The following PER2 variants were observed in gnomAD, a reference collection of about 807,000 sequenced individuals.
The protein encoded by PER2 is period circadian regulator 2, also known as period circadian protein homolog 2.
In PER2, 66 loss-of-function variants were observed where a neutral mutation model predicts 121.0. The observed-to-expected ratio is 0.55, with a 90% CI of 0.45 to 0.67. PER2 has a LOEUF of 0.67. Ranked by LOEUF, PER2 falls within the 30% of genes least tolerant of loss-of-function variation. The pLI, the probability that PER2 is intolerant of heterozygous loss-of-function variation, is 0.00. For synonymous variants in PER2, 684 were observed against 659.9 expected, an observed-to-expected ratio of 1.04 and a Z score of -0.56; for missense variants, 1,521 against 1,635.0, an observed-to-expected ratio of 0.93 and a Z score of 1.20.
At chr2:238,289,529 ATGT>A (rs1490930423), upstream of PER2, 1 of 152,258 alleles carries the variant, frequency 6.6e-6, no homozygotes, top group Non-Finnish European at 1.5e-5. Context: ...GAAAGAAATG[ATGT>A]TGTCCCTGCC....
the PER2 span, chr2:238,299,906 G>A: frequency 2.6e-5 from 4 of 152,276 alleles, no homozygotes; most frequent in African/African-American, 9.6e-5. Context: ...AGAGCAGAGA[G>A]GCATATGCTC....
At chr2:238,267,934 A>T (rs2106313336) in intron 8 of PER2, 122 bp downstream of exon 8, 3 of 1,087,574 alleles carry the variant, frequency 2.8e-6, no homozygotes, top group South Asian at 1.3e-5. Context: ...GGTGAGGTGG[A>T]GAGGCCAAGG....
rs976590101 is a variant in PER2 at position 238,268,598 on chromosome 2, G to A, written c.824+325C>T. Among the ~76,000 whole-genome samples, 1 of 152,164 alleles carries A rather than the reference G, an allele frequency of 6.6e-6. No individual in the cohort carries two copies. The highest frequency in any genetic ancestry group is 2.4e-5 in the African/African-American group (1 of 41,422). On this transcript the variant is annotated intron_variant, in intron 7 of 22. Transcript: ENST00000254657. The surrounding 1 kb of genome is among the most constrained non-coding windows in gnomAD (Gnocchi z 4.0). ...CAAGACCCTTGTCGGGAAAGCTACG[G>A]GTCTCTCCCCAGAAAAACGCACAGA...
In PER2 at chr2:238,255,907, C is replaced by T; in HGVS notation, c.2070G>A (p.Met690Ile). 6.2e-7 allele frequency: 1 copy of T among 1,614,228 alleles called. No homozygotes were observed. The stretch of plus-strand genomic sequence containing the variant: ...CTGGCCCACTCGCAGCATCTTCCAC[C>T]ATCTCTGTAACACAAGAACCCAGGG... ...GDKKPQPELE[M>I]VEDAASGPES... The change falls in exon 18 of 23, where the codon ATG becomes ATA. Residue 690 changes from methionine to isoleucine, a missense_variant. Physicochemically the swap from Met to Ile is conservative, Grantham distance 10 (BLOSUM62 1). Transcript: ENST00000254657.
intron 22 of PER2, 171 bp downstream of exon 22, chr2:238,248,891 G>T: frequency 1.4e-6 from 1 of 729,900 alleles, no homozygotes; most frequent in Non-Finnish European, 2.5e-6. Flanking sequence ...TCCTGACCTC[G>T]TGATCCACCC....
At chr2:238,291,308 C>T (rs753002683), upstream of PER2, among the ~76,000 whole-genome samples, 1 of 152,258 alleles carries the variant, frequency 6.6e-6, no homozygotes, top group Non-Finnish European at 1.5e-5. Flanking sequence ...TTGGCCCACC[C>T]ATCTATGTCT....
chr2:238,262,984 T>TG lies in PER2; in HGVS notation c.1120_1121insC (p.Asp374AlafsTer68). The TG allele has an allele frequency of 2.5e-6, 4 of 1,613,792 alleles. No individual in the cohort carries two copies. Among genetic ancestry groups the TG allele is most frequent in the Non-Finnish European group, 3.4e-6 (4 of 1,179,702 alleles). On this transcript the variant is annotated frameshift_variant, in exon 10 of 23. Coordinates refer to ENST00000254657, the MANE Select transcript of PER2 (RefSeq NM_022817.3). LOFTEE classifies it high-confidence loss of function. ...GTGGATGGCCAGCATCAAGGGCCTG[T>TG]CACTAGGGTGGAGCTGCACGAGCAC... is the stretch of plus-strand genomic sequence containing the variant.
chr2:238,257,028 C>T lies in PER2; in HGVS notation c.1959G>A (p.Ser653=), dbSNP rs534119604. Residue 653 remains serine (S), a synonymous_variant, in exon 17 of 23, where the codon TCG becomes TCA. Coordinates refer to ENST00000254657, the MANE Select transcript of PER2 (RefSeq NM_022817.3). ...SRTGVGTHLT[S]LALPGKAESV... ...TCTCTGCCTTGCCCGGCAGTGCCAG[C>T]GAGGTCAGGTGCGTACCTACTCCCG... is the stretch of plus-strand genomic sequence containing the variant. 1.4e-5 allele frequency: 22 copies of T among 1,613,364 alleles called. No individual in the cohort carries two copies. Among genetic ancestry groups the T allele is most frequent in the Admixed American group, 1.2e-4 (7 of 60,020 alleles).
At position 238,255,717 on chromosome 2, in the gene PER2, A is replaced by G. The variant is rs569792795; in HGVS notation, c.2260T>C (p.Phe754Leu). ...AAGTAGTAATGGCAGTGGGACTGGA[A>G]AATGCTGAGTTTTCTTATTTCTTTG... is the stretch of plus-strand genomic sequence containing the variant. ...KFKEIRKLSI[F>L]QSHCHYYLQE... Residue 754 changes from phenylalanine (F) to leucine (L), a missense_variant, in exon 18 of 23, where the codon TTC (phenylalanine) becomes CTC (leucine). Transcript: ENST00000254657. The G allele has an allele frequency of 1.1e-5, 17 of 1,614,210 alleles. No individual in the cohort carries two copies. The African/African-American group carries it at 2.1e-4, about 20-fold the overall frequency.
At chr2:238,290,971 CAGAG>C (rs925353754), upstream of PER2, among the ~76,000 whole-genome samples, 1 of 152,146 alleles carries the variant, frequency 6.6e-6, no homozygotes, top group South Asian at 2.1e-4. Flanking sequence ...AAGATGGTGA[CAGAG>C]AGAGAGCGCA....
At chr2:238,256,051 G>T in intron 17 of PER2, 140 bp from the exon 18 acceptor site, 1 of 1,111,276 alleles carries the variant, frequency 9.0e-7, no homozygotes, top group Admixed American at 2.1e-5. Context: ...GAGACTCACA[G>T]CGTTTTCATT....
chr2:238,292,553 C>A (rs928243500), upstream of PER2, among the ~76,000 whole-genome samples: 6 of 152,208 alleles, frequency 3.9e-5, no homozygotes, highest in African/African-American at 1.2e-4. Flanking sequence ...TGGCCCGTTC[C>A]ACCCTGGGGG....
In PER2 at chr2:238,273,202, G is replaced by C. The variant is rs200933709; in HGVS notation, c.449-11C>G. 6 of 1,611,076 alleles carry C rather than the reference G, an allele frequency of 3.7e-6. No homozygotes were observed. The African/African-American group carries it at 6.7e-5, about 18-fold the overall frequency. On this transcript the variant is annotated splice_polypyrimidine_tract_variant and intron_variant, in intron 4 of 22. Transcript: ENST00000254657. ...AATACTCTTCATTGGCTGCAGGAGA[G>C]ACAGTGTTCACTCAGTGGGCAGAAC...
At chr2:238,262,725 G>A (rs899008821) in intron 10 of PER2, among the ~76,000 whole-genome samples, 14 of 152,110 alleles carry the variant, frequency 9.2e-5, no homozygotes, top group East Asian at 1.9e-4. Context: ...CTCAGGCCAC[G>A]GACTGAGAAA....
intron 2 of PER2, 91 bp from the exon 3 acceptor site, chr2:238,277,284 A>T: frequency 1.1e-6 from 1 of 870,482 alleles, no homozygotes; most frequent in Non-Finnish European, 2.0e-6. Flanking sequence ...AACAGGCTAG[A>T]TAATACCATG....
At chr2:238,283,963 C>T (rs1245555694) in intron 1 of PER2, among the ~76,000 whole-genome samples, 2 of 152,178 alleles carry the variant, frequency 1.3e-5, no homozygotes, top group Admixed American at 1.3e-4. Flanking sequence ...TGGGTTTCAG[C>T]TGGGTTCCAC....
At chr2:238,288,873 T>C (rs1696879208), upstream of PER2, among the ~76,000 whole-genome samples, 1 of 151,812 alleles carries the variant, frequency 6.6e-6, no homozygotes, top group African/African-American at 2.4e-5. Context: ...TCTGCATACA[T>C]GAGGGGCGGG....
rs531061658 is a variant in PER2, at chr2:238,246,232, CTA to C, written c.*141_*142del. On this transcript the variant is annotated 3_prime_UTR_variant, in exon 23 of 23. Coordinates refer to ENST00000254657, the MANE Select transcript of PER2 (RefSeq NM_022817.3). ...AGTTTTAAGTCGCCCCTTCAGAAAACTATGTTGTTTTTTTTTCTAAAACAAAA... is the reference window on the plus strand; with the variant it reads ...AGTTTTAAGTCGCCCCTTCAGAAAACTGTTGTTTTTTTTTCTAAAACAAAA... 1.0e-4 allele frequency: 57 copies of C among 553,412 alleles called. No individual in the cohort carries two copies. In the South Asian group the frequency reaches 1.9e-3, roughly 18 times the overall value. The allele number at this position is 553,412 out of a possible 1,614,324, so 34.3% of individuals were successfully genotyped here. A position where few individuals can be genotyped will look rare whatever the true frequency, so the allele number is the denominator to read the frequency against.
At chr2:238,299,674 A>T in the PER2 span, 1 of 152,282 alleles carries the variant, frequency 6.6e-6, no homozygotes, top group Non-Finnish European at 1.5e-5. Flanking sequence ...TCCTGAGACC[A>T]TGGCTATGGA....
Sources: allele counts gnomAD v4.1 joint callset (sites outside exome capture counted in the v4.1 genomes callset), GRCh38; gene constraint gnomAD v4.1.1; non-coding constraint Gnocchi (gnomAD v3.1); transcripts MANE v1.5; gene names NCBI Gene and HGNC (gene_info 2026-07-23, HGNC 2026-07-21).